KLHL18: variants seen among roughly 807,000 people sequenced by gnomAD.
The protein encoded by KLHL18 is kelch-like protein 18.
Under a neutral mutation model 58.5 loss-of-function variants are expected in KLHL18, and 38 were observed. The observed-to-expected ratio is 0.65, with a 90% confidence interval of 0.50 to 0.85. The LOEUF (loss-of-function observed/expected upper bound fraction) is 0.85, where lower values mean the gene tolerates loss of function less well. KLHL18 is among the 40% of genes least tolerant of loss of function. The pLI, the probability that KLHL18 is intolerant of heterozygous loss-of-function variation, is 0.00. For synonymous variants in KLHL18, 303 were observed against 301.9 expected, an observed-to-expected ratio of 1.00 and a Z score of -0.04; for missense variants, 624 against 778.4, an observed-to-expected ratio of 0.80 and a Z score of 2.36.
chr3:47,313,441 C>T (rs1226727839), intron 1 of KLHL18, among the ~76,000 whole-genome samples: 4 of 151,832 alleles, frequency 2.6e-5, no homozygotes, highest in Non-Finnish European at 5.9e-5. Context: ...CCAGACTGGT[C>T]TGAAACTTCT....
chr3:47,333,046 T>G, intron 4 of KLHL18, 111 bp from the exon 5 acceptor site: 1 of 1,071,010 alleles, frequency 9.3e-7, no homozygotes, highest in Non-Finnish European at 1.3e-6. Context: ...AAAAGATTGA[T>G]GGGCCCAAGG....
At chr3:47,329,195 C>T (rs900588792) in intron 3 of KLHL18, among the ~76,000 whole-genome samples, 4 of 112,850 alleles carry the variant, frequency 3.5e-5, no homozygotes, top group Non-Finnish European at 6.7e-5. Flanking sequence ...GCCATCTGTC[C>T]GTGTTGTGTT....
chr3:47,312,110 G>A (rs1352580032), intron 1 of KLHL18, among the ~76,000 whole-genome samples: 5 of 152,184 alleles, frequency 3.3e-5, no homozygotes, highest in Non-Finnish European at 5.9e-5. Context: ...AATTTGCTTC[G>A]TAGATGCTAT....
intron 3 of KLHL18, among the ~76,000 whole-genome samples, chr3:47,325,260 C>T (rs558053502): frequency 6.6e-5 from 10 of 151,814 alleles, no homozygotes; most frequent in Admixed American, 5.2e-4. Flanking sequence ...TGCAGTGGCG[C>T]GATCTTGGCT....
chr3:47,311,796 A>G (rs1703307855), intron 1 of KLHL18, among the ~76,000 whole-genome samples: 1 of 152,216 alleles, frequency 6.6e-6, no homozygotes. Context: ...GTGTAACTCC[A>G]TCACTTCTTT....
chr3:47,307,226 C>T (rs533983253), intron 1 of KLHL18, among the ~76,000 whole-genome samples: 1 of 152,204 alleles, frequency 6.6e-6, no homozygotes, highest in South Asian at 2.1e-4. Context: ...TGCATGCCAC[C>T]ACACGTGGCT....
At chr3:47,286,776 T>C (rs1702684960) in intron 1 of KLHL18, among the ~76,000 whole-genome samples, 1 of 152,228 alleles carries the variant, frequency 6.6e-6, no homozygotes, top group South Asian at 2.1e-4. Context: ...CTAGGTGGTA[T>C]AAGCCTGGCT....
intron 3 of KLHL18, among the ~76,000 whole-genome samples, chr3:47,325,388 G>A (rs1033249954): frequency 6.6e-5 from 10 of 151,972 alleles, no homozygotes; most frequent in African/African-American, 2.2e-4. Context: ...TAGTAGAGAC[G>A]GGGTTTCACC....
intron 1 of KLHL18, among the ~76,000 whole-genome samples, chr3:47,300,199 C>T (rs1702985685): frequency 1.3e-5 from 2 of 150,234 alleles, no homozygotes; most frequent in African/African-American, 2.5e-5. Context: ...CCTTCTTTTC[C>T]TCCTTCCTAC....
chr3:47,308,890 T>C (rs1703215215), intron 1 of KLHL18, among the ~76,000 whole-genome samples: 1 of 152,116 alleles, frequency 6.6e-6, no homozygotes, highest in African/African-American at 2.4e-5. Context: ...CAAAGGTCTC[T>C]GGTTTTTCTA....
chr3:47,305,407 T>C (rs1703123826), intron 1 of KLHL18, among the ~76,000 whole-genome samples: 1 of 146,328 alleles, frequency 6.8e-6, no homozygotes, highest in Admixed American at 7.1e-5. Flanking sequence ...ATTAATATAC[T>C]GGATTACATA....
intron 1 of KLHL18, among the ~76,000 whole-genome samples, chr3:47,313,531 C>T (rs1478310710): frequency 2.0e-5 from 3 of 152,138 alleles, no homozygotes; most frequent in Non-Finnish European, 4.4e-5. Context: ...CAACTTTTTC[C>T]TTTTGCCCAG....
chr3:47,284,337 CTT>C (rs767276527), intron 1 of KLHL18, among the ~76,000 whole-genome samples: 11 of 127,132 alleles, frequency 8.7e-5, no homozygotes, highest in Admixed American at 8.8e-5. Flanking sequence ...TTTCTTTTTT[CTT>C]TTTTTTTTTT....
intron 2 of KLHL18, among the ~76,000 whole-genome samples, chr3:47,321,596 C>T (rs539882443): frequency 1.3e-5 from 2 of 152,168 alleles, no homozygotes; most frequent in South Asian, 4.2e-4. Context: ...GTGATCCGCC[C>T]GCCTCGGCCT....
chr3:47,336,450 A>T (rs1703986241), intron 6 of KLHL18, 85 bp from the exon 7 acceptor site: 1 of 1,173,226 alleles, frequency 8.5e-7, no homozygotes, highest in Admixed American at 2.1e-5. Flanking sequence ...ATTGAGTCGA[A>T]TGTTCCATAT....
chr3:47,294,107 C>T (rs767224671), intron 1 of KLHL18, among the ~76,000 whole-genome samples: 13 of 152,140 alleles, frequency 8.5e-5, no homozygotes, highest in Non-Finnish European at 1.5e-4. Context: ...AGAATTCTTA[C>T]CGACCTTCTA....
Position 47,322,560 on chromosome 3 carries a change from T to A in KLHL18, c.261-8T>A, listed in dbSNP as rs748411018. 3 of 1,586,252 alleles carry A rather than the reference T, an allele frequency of 1.9e-6. No individual in the cohort carries two copies. Among genetic ancestry groups the A allele is most frequent in the African/African-American group, 1.4e-5 (1 of 73,776 alleles). On this transcript the variant is annotated splice_region_variant and splice_polypyrimidine_tract_variant and intron_variant, in intron 2 of 9. Transcript: ENST00000232766. ...AAAGCACCTCACAGCTTTCCCTCTTTCCTCTAGTGCCCTGGAGGCTCTGAT... is the reference window on the plus strand; with the variant it reads ...AAAGCACCTCACAGCTTTCCCTCTTACCTCTAGTGCCCTGGAGGCTCTGAT...
chr3:47,287,343 A>G (rs1420999447), intron 1 of KLHL18: 1 of 152,150 alleles, frequency 6.6e-6, no homozygotes, highest in African/African-American at 2.4e-5. Context: ...GCTTCCTTAA[A>G]CACTGGTGAT....
chr3:47,334,957 C>A lies in KLHL18; in HGVS notation c.898+138C>A. On this transcript the variant is annotated intron_variant, in intron 6 of 9. Transcript: ENST00000232766. This position sits in a 1 kb window ranked among gnomAD's most constrained non-coding sequence, Gnocchi z 4.7. ...TGCCCCTCTTGATTTTATACAATTG[C>A]TCTACAGTTAGAGCATGTCACATAT... is the stretch of plus-strand genomic sequence containing the variant. The A allele has an allele frequency of 1.2e-6, 1 of 835,372 alleles. No individual in the cohort carries two copies. Among genetic ancestry groups the A allele is most frequent in the Non-Finnish European group, 1.8e-6 (1 of 544,062 alleles). The allele number at this position is 835,372 out of a possible 1,614,324, so 51.7% of individuals were successfully genotyped here. A position where few individuals can be genotyped will look rare whatever the true frequency, so the allele number is the denominator to read the frequency against.
Sources: gnomAD v4.1 joint callset for allele counts (sites outside exome capture counted in the v4.1 genomes callset) on GRCh38, gnomAD v4.1.1 for gene constraint, Gnocchi (gnomAD v3.1) non-coding constraint, MANE v1.5 for transcripts, NCBI Gene and HGNC (gene_info 2026-07-23, HGNC 2026-07-21) for gene names.